CENPP: variants seen among roughly 807,000 people sequenced by gnomAD.
CENPP encodes centromere protein P.
A neutral mutation model predicts 35.6 loss-of-function variants in CENPP; 24 were observed. The ratio of observed to expected loss-of-function variants is 0.67; its 90% CI spans 0.49 to 0.95. The LOEUF (loss-of-function observed/expected upper bound fraction) is 0.95. CENPP is among the 40% of genes least tolerant of loss of function. CENPP has a pLI of 0.00. For missense variants in CENPP, 332 were observed against 345.3 expected, an observed-to-expected ratio of 0.96 and a Z score of 0.31; for synonymous variants, 120 against 125.5, an observed-to-expected ratio of 0.96 and a Z score of 0.29.
chr9:92,467,898 A>G (rs1339420107), intron 5 of CENPP, among the ~76,000 whole-genome samples: 3 of 152,240 alleles, frequency 2.0e-5, no homozygotes, highest in South Asian at 4.1e-4. Context: ...TGTGATGCCA[A>G]CTAAAAGTAT....
intron 1 of CENPP, among the ~76,000 whole-genome samples, chr9:92,330,412 G>A (rs1163735901): frequency 1.3e-5 from 2 of 152,266 alleles, no homozygotes; most frequent in African/African-American, 4.8e-5. Context: ...CAGAATGAAA[G>A]AATACATATT....
intron 5 of CENPP, chr9:92,403,619 AT>A: frequency 5.0e-6 from 6 of 1,204,256 alleles, no homozygotes; most frequent in Non-Finnish European, 6.2e-6. Flanking sequence ...GTTTTTATGT[AT>A]CAGTGAACAT....
rs535499201 is a variant in CENPP at position 92,495,384 on chromosome 9, A to G, written c.564+115525A>G. 1.6e-5 allele frequency: 16 copies of G among 982,712 alleles called. No homozygotes were observed. The African/African-American group carries it at 1.9e-4, about 12-fold the overall frequency. The allele number at this position is 982,712 out of a possible 1,614,324, so 60.9% of individuals were successfully genotyped here. On this transcript the variant is annotated intron_variant, in intron 5 of 7. Transcript: ENST00000375587. ...ATAGTAAAGACATAGCTTTATTTCA[A>G]TTGAACCGAATAAAATGATGTATTT...
At chr9:92,402,673 T>C (rs1843166399) in intron 5 of CENPP, among the ~76,000 whole-genome samples, 2 of 152,180 alleles carry the variant, frequency 1.3e-5, no homozygotes, top group Non-Finnish European at 2.9e-5. Context: ...TGATAGAGGG[T>C]CTAAACTGTT....
intron 5 of CENPP, among the ~76,000 whole-genome samples, chr9:92,574,859 A>C (rs1347759178): frequency 6.6e-6 from 1 of 152,246 alleles, no homozygotes; most frequent in African/African-American, 2.4e-5. Context: ...GGACTGATTT[A>C]AAGACAGACA....
At chr9:92,474,737 T>C (rs377008610) in intron 5 of CENPP, 1 of 1,589,134 alleles carries the variant, frequency 6.3e-7, no homozygotes, top group South Asian at 1.1e-5. Context: ...AAAAAGAGAG[T>C]TGTCCTCATC....
intron 5 of CENPP, among the ~76,000 whole-genome samples, chr9:92,442,905 G>A (rs1473890076): frequency 1.3e-5 from 2 of 150,888 alleles, no homozygotes; most frequent in Admixed American, 1.3e-4. Context: ...AAAATTTTTA[G>A]GAAGGTGACT....
intron 5 of CENPP, among the ~76,000 whole-genome samples, chr9:92,590,051 A>G (rs949243001): frequency 6.6e-6 from 1 of 152,234 alleles, no homozygotes; most frequent in African/African-American, 2.4e-5. Context: ...CATCAGTCAC[A>G]TTCACATACA....
intron 5 of CENPP, chr9:92,505,436 T>C: frequency 9.0e-7 from 1 of 1,117,270 alleles, no homozygotes; most frequent in Non-Finnish European, 1.3e-6. Context: ...GAAACTAGAG[T>C]TTAATTTACA....
intron 3 of CENPP, among the ~76,000 whole-genome samples, chr9:92,337,869 A>C (rs1840979721): frequency 6.6e-6 from 1 of 152,242 alleles, no homozygotes; most frequent in African/African-American, 2.4e-5. Flanking sequence ...GACAGGTAGC[A>C]AGATGCTCCT....
At chr9:92,375,776 A>G (rs1842111724) in intron 4 of CENPP, among the ~76,000 whole-genome samples, 2 of 151,418 alleles carry the variant, frequency 1.3e-5, no homozygotes, top group Admixed American at 1.3e-4. Flanking sequence ...AGTTCTCTAA[A>G]CATATTTAAG....
At chr9:92,456,907 A>G (rs1844896858) in intron 5 of CENPP, 1 of 1,001,810 alleles carries the variant, frequency 1.0e-6, no homozygotes, top group Non-Finnish European at 1.2e-6. Flanking sequence ...ACAGCAAATG[A>G]AAGAGCACAA....
intron 4 of CENPP, among the ~76,000 whole-genome samples, chr9:92,364,039 G>T (rs1437291218): frequency 6.6e-6 from 1 of 151,932 alleles, no homozygotes; most frequent in African/African-American, 2.4e-5. Context: ...TGGTAGAGAT[G>T]GGTTTTTGCC....
rs1281185699 is a variant in CENPP, at chr9:92,484,920, ATCTTTGG to A, written c.564+105064_564+105070del. Among the ~76,000 whole-genome samples the A allele has an allele frequency of 2.0e-5, 3 of 152,188 alleles. No homozygotes were observed. In the East Asian group the frequency reaches 5.8e-4, roughly 29 times the overall value. On this transcript the variant is annotated intron_variant, in intron 5 of 7. Transcript: ENST00000375587. ...AGTCTTCCTCTGATATTTTGCTTCGATCTTTGGTCAGAGGGCCTAGGGAAAGAAATAG... is the reference window on the plus strand; with the variant it reads ...AGTCTTCCTCTGATATTTTGCTTCGATCAGAGGGCCTAGGGAAAGAAATAG...
At chr9:92,332,877 T>C (rs1840799477) in intron 2 of CENPP, among the ~76,000 whole-genome samples, 1 of 144,712 alleles carries the variant, frequency 6.9e-6, no homozygotes, top group African/African-American at 2.5e-5. Context: ...CTTTCTTTCT[T>C]TTTTTTTTTT....
intron 5 of CENPP, among the ~76,000 whole-genome samples, chr9:92,430,442 A>G (rs1844077839): frequency 6.7e-6 from 1 of 149,316 alleles, no homozygotes; most frequent in South Asian, 2.1e-4. Flanking sequence ...TTTTTTTTTA[A>G]GATGAAGTCA....
At chr9:92,327,106 A>G (rs1373802397) in intron 1 of CENPP, among the ~76,000 whole-genome samples, 1 of 152,272 alleles carries the variant, frequency 6.6e-6, no homozygotes, top group African/African-American at 2.4e-5. Flanking sequence ...GCGGTTTGTT[A>G]GAGCGACATC....
rs34768785 is a variant in CENPP at position 92,540,770 on chromosome 9, CAA to C, written c.565-70532_565-70531del. On this transcript the variant is annotated intron_variant, in intron 5 of 7. Transcript: ENST00000375587. ...TGGGCAACAGAGCACGACTCTGTCT[CAA>C]AAAAAAAAAAATCATCAATGAAGTG... 3.1e-3 allele frequency among the ~76,000 whole-genome samples: 436 copies of C among 142,078 alleles called. 2 individuals carry two copies. The highest frequency in any genetic ancestry group is 0.01 in the African/African-American group (402 of 39,636). 93.2% of individuals were successfully genotyped at this position (142,078 alleles called of 152,430 possible). A position where few individuals can be genotyped will look rare whatever the true frequency, so the allele number is the denominator to read the frequency against.
chr9:92,460,738 G>A (rs190661521), intron 5 of CENPP, among the ~76,000 whole-genome samples: 6 of 152,212 alleles, frequency 3.9e-5, no homozygotes, highest in Admixed American at 1.3e-4. Context: ...GTGCAGTGCC[G>A]TGATATCAGC....
Sources: allele counts gnomAD v4.1 joint callset (sites outside exome capture counted in the v4.1 genomes callset), GRCh38; gene constraint gnomAD v4.1.1; transcripts MANE v1.5; gene names NCBI Gene and HGNC (gene_info 2026-07-23, HGNC 2026-07-21).